Variants in HACL2 observed in about 807,000 individuals in gnomAD.
HACL2 encodes 2-hydroxyacyl-CoA lyase 1 like.
chr19:15,119,735 G>A, the HACL2 span, among the ~76,000 whole-genome samples: 1 of 152,058 alleles, frequency 6.6e-6, no homozygotes, highest in Non-Finnish European at 1.5e-5. Context: ...ATTTTCAGTA[G>A]AGACAGGGTT....
At chr19:15,118,544 G>C in the HACL2 span, among the ~76,000 whole-genome samples, 3 of 152,194 alleles carry the variant, frequency 2.0e-5, no homozygotes, top group Admixed American at 6.5e-5. Context: ...GGCGTCAATT[G>C]CAAGACCTCT....
chr19:15,116,361 G>A, the HACL2 span: 2 of 1,613,816 alleles, frequency 1.2e-6, no homozygotes, highest in Middle Eastern at 1.6e-4. Context: ...TTGGCAGCAG[G>A]GTCTGCCGGG....
chr19:15,117,272 C>A, the HACL2 span: 2 of 153,336 alleles, frequency 1.3e-5, no homozygotes, highest in African/African-American at 2.4e-5. Flanking sequence ...AAGGGGCCAA[C>A]GAGTGTGCTC....
At chr19:15,116,388 C>G in the HACL2 span, 1 of 1,613,906 alleles carries the variant, frequency 6.2e-7, no homozygotes, top group Non-Finnish European at 8.5e-7. Flanking sequence ...CTTCCCACAT[C>G]CACTCCACCC....
At chr19:15,115,969 GAGC>G in the HACL2 span, 1 of 1,614,116 alleles carries the variant, frequency 6.2e-7, no homozygotes, top group East Asian at 2.2e-5. Flanking sequence ...AGGACCTAGA[GAGC>G]AGCAAGTCTC....
chr19:15,116,129 C>T, the HACL2 span: 1 of 1,613,146 alleles, frequency 6.2e-7, no homozygotes, highest in Non-Finnish European at 8.5e-7. Context: ...TGCCCACTGC[C>T]CCAGGCGGGG....
the HACL2 span, among the ~76,000 whole-genome samples, chr19:15,118,702 G>C: frequency 5.5e-3 from 835 of 152,302 alleles, 8 homozygotes; most frequent in African/African-American, 0.019. Flanking sequence ...AAGTCGGCCA[G>C]CCCAGGCTAG....
chr19:15,119,418 C>T, the HACL2 span: 576 of 1,614,080 alleles, frequency 3.6e-4, 4 homozygotes, highest in African/African-American at 5.6e-3. Context: ...CGCTTCTCAC[C>T]GAAGCTTGTC....
the HACL2 span, chr19:15,123,141 C>T: frequency 6.2e-7 from 1 of 1,613,972 alleles, no homozygotes; most frequent in Non-Finnish European, 8.5e-7. The surrounding 1 kb of genome is among the most constrained non-coding windows in gnomAD (Gnocchi z 5.1). Flanking sequence ...GGCAGCCCCA[C>T]CCAGAAGCAG....
chr19:15,117,636 A>G, the HACL2 span: 1 of 404,486 alleles, frequency 2.5e-6, no homozygotes, highest in Admixed American at 3.7e-5. Context: ...CTGTGATTGC[A>G]CTACTGCATT....
At chr19:15,123,706 G>A in the HACL2 span, 2 of 740,154 alleles carry the variant, frequency 2.7e-6, no homozygotes, top group Middle Eastern at 3.6e-4. This position sits in a 1 kb window ranked among gnomAD's most constrained non-coding sequence, Gnocchi z 5.1. Flanking sequence ...GCTTGGTCTT[G>A]GTTAGGCATA....
chr19:15,115,711 C>A, the HACL2 span: 7 of 1,595,720 alleles, frequency 4.4e-6, no homozygotes, highest in Non-Finnish European at 6.0e-6. Context: ...GCCTTCAGCC[C>A]CATGGCTTGG....
At chr19:15,120,004 A>T in the HACL2 span, 1 of 1,549,860 alleles carries the variant, frequency 6.5e-7, no homozygotes, top group Non-Finnish European at 8.7e-7. Context: ...AGCCTGGGGG[A>T]TGTCCAGGGG....
the HACL2 span, chr19:15,115,299 T>A: frequency 1.2e-6 from 2 of 1,614,180 alleles, no homozygotes; most frequent in Non-Finnish European, 1.7e-6. Flanking sequence ...CCAATGAGGA[T>A]GTTGACCACA....
At chr19:15,123,196 T>C in the HACL2 span, 1 of 1,613,984 alleles carries the variant, frequency 6.2e-7, no homozygotes, top group Non-Finnish European at 8.5e-7. The surrounding 1 kb of genome is among the most constrained non-coding windows in gnomAD (Gnocchi z 5.1). Flanking sequence ...GCAGTCACCG[T>C]GTTGGTGAGG....
At chr19:15,115,266 A>G in the HACL2 span, 39 of 1,614,016 alleles carry the variant, frequency 2.4e-5, no homozygotes, top group Non-Finnish European at 6.8e-6. Context: ...ACAGCAATGG[A>G]GCCATCGCGG....
chr19:15,117,616 G>T, the HACL2 span: 2 of 336,698 alleles, frequency 5.9e-6, 1 homozygote, highest in Non-Finnish European at 1.1e-5. Context: ...GAGTTTGAGG[G>T]TGCAGTGAGC....
the HACL2 span, chr19:15,116,541 A>C: frequency 1.3e-6 from 2 of 1,596,958 alleles, no homozygotes; most frequent in Non-Finnish European, 1.7e-6. Context: ...GGAAGAGGAC[A>C]CAGCTGTGGG....
chr19:15,123,232 C>T, the HACL2 span: 28 of 1,613,728 alleles, frequency 1.7e-5, 1 homozygote, highest in South Asian at 2.5e-4. The surrounding 1 kb of genome is among the most constrained non-coding windows in gnomAD (Gnocchi z 5.1). Context: ...ACTGCCGCCA[C>T]GCCCACCGTC....
Sources: gnomAD v4.1 joint callset for allele counts (sites outside exome capture counted in the v4.1 genomes callset) on GRCh38, gnomAD v4.1.1 for gene constraint, Gnocchi (gnomAD v3.1) non-coding constraint, MANE v1.5 for transcripts, NCBI Gene and HGNC (gene_info 2026-07-23, HGNC 2026-07-21) for gene names.